NAALADL2: variants seen among roughly 807,000 people sequenced by gnomAD.
NAALADL2 encodes the protein inactive N-acetylated-alpha-linked acidic dipeptidase-like protein 2.
Under a neutral mutation model 87.2 loss-of-function variants are expected in NAALADL2, and 76 were observed. The observed-to-expected ratio is 0.87, with a 90% CI of 0.72 to 1.05. NAALADL2 has a LOEUF of 1.05. NAALADL2 is among the 50% of genes least tolerant of loss of function. The probability of loss-of-function intolerance (pLI) is 0.00; values close to 1 mark genes in which losing one functional copy is unlikely to be tolerated. For synonymous variants in NAALADL2, 354 were observed against 331.0 expected (o/e 1.07, Z -0.75); for missense variants, 1,089 against 945.8 (o/e 1.15, Z -1.99).
At chr3:175,601,039 A>T (rs961580152) in intron 10 of NAALADL2, among the ~76,000 whole-genome samples, 9 of 152,190 alleles carry the variant, frequency 5.9e-5, no homozygotes, top group African/African-American at 2.2e-4. Context: ...AATAAGGAAA[A>T]ATCTGTGTTA....
At chr3:175,292,593 T>TAC (rs71164627) in intron 4 of NAALADL2, among the ~76,000 whole-genome samples, 78,696 of 145,186 alleles carry the variant, frequency 0.54, 22,565 homozygotes, top group East Asian at 0.82. Flanking sequence ...TGAGTTGGGA[T>TAC]ACACACACAC....
At chr3:174,489,214 T>C (rs1718037307) in intron 1 of NAALADL2, among the ~76,000 whole-genome samples, 1 of 152,010 alleles carries the variant, frequency 6.6e-6, no homozygotes, top group Non-Finnish European at 1.5e-5. Context: ...TTTTTGACAA[T>C]GGTGCCAAAA....
intron 1 of NAALADL2, among the ~76,000 whole-genome samples, chr3:174,953,331 C>A (rs1421064016): frequency 1.8e-5 from 2 of 114,032 alleles, no homozygotes; most frequent in Non-Finnish European, 3.6e-5. Context: ...CTCCCCTCCC[C>A]TCCCCTCCCC....
At chr3:174,986,572 A>G (rs997823525) in intron 1 of NAALADL2, among the ~76,000 whole-genome samples, 2 of 152,176 alleles carry the variant, frequency 1.3e-5, no homozygotes, top group Non-Finnish European at 2.9e-5. Context: ...ATTAAGTAGT[A>G]GTTATTTGTT....
intron 2 of NAALADL2, among the ~76,000 whole-genome samples, chr3:175,107,552 C>T (rs905643494): frequency 6.6e-6 from 1 of 150,526 alleles, no homozygotes; most frequent in African/African-American, 2.4e-5. Flanking sequence ...ACACACACAT[C>T]CTATACGTTC....
At position 175,749,920 on chromosome 3, in the gene NAALADL2, T is replaced by C. The variant is rs527569065; in HGVS notation, c.1991-5300T>C. Among the ~76,000 whole-genome samples the C allele has an allele frequency of 2.6e-5, 4 of 152,234 alleles. No homozygotes were observed. In the South Asian group the frequency reaches 8.3e-4, roughly 32 times the overall value. On this transcript the variant is annotated intron_variant, in intron 12 of 13. Coordinates refer to ENST00000454872, the MANE Select transcript of NAALADL2 (RefSeq NM_207015.3). ...TTGTGACCTGCTGTTGGAAGGTGTT[T>C]TAGGATCCTGTATCAAGGGTGTTCA...
At chr3:174,746,006 T>C (rs942356240) in intron 3 of NAALADL2, among the ~76,000 whole-genome samples, 1 of 152,288 alleles carries the variant, frequency 6.6e-6, no homozygotes, top group Admixed American at 6.5e-5. Flanking sequence ...AGCATTCCCC[T>C]TGAAAACTGG....
chr3:175,079,036 T>A, intron 1 of NAALADL2, among the ~76,000 whole-genome samples: 1 of 152,230 alleles, frequency 6.6e-6, no homozygotes, highest in Non-Finnish European at 1.5e-5. Context: ...TGCACCATTA[T>A]ACATTCCCAC....
At chr3:175,545,262 G>A (rs992151907) in intron 9 of NAALADL2, among the ~76,000 whole-genome samples, 11 of 152,080 alleles carry the variant, frequency 7.2e-5, no homozygotes, top group African/African-American at 2.2e-4. Flanking sequence ...CAGCCTTAGA[G>A]TAGCCAATCA....
intron 1 of NAALADL2, among the ~76,000 whole-genome samples, chr3:175,070,790 T>A (rs924549925): frequency 2.0e-5 from 3 of 152,126 alleles, no homozygotes; most frequent in Non-Finnish European, 4.4e-5. Flanking sequence ...TACATATTTA[T>A]TAATCCATCA....
At chr3:175,113,757 T>A (rs1485503072) in intron 2 of NAALADL2, among the ~76,000 whole-genome samples, 1 of 151,412 alleles carries the variant, frequency 6.6e-6, no homozygotes, top group Admixed American at 6.6e-5. Context: ...GGATCCCCAA[T>A]TTTTTTTATG....
At chr3:174,994,051 T>G (rs755481704) in intron 1 of NAALADL2, among the ~76,000 whole-genome samples, 2 of 152,188 alleles carry the variant, frequency 1.3e-5, no homozygotes, top group Admixed American at 1.3e-4. Flanking sequence ...CTTAACTTGC[T>G]TGCATCTGCA....
At chr3:175,012,976 TATACACAAAA>T (rs1328068039) in intron 1 of NAALADL2, among the ~76,000 whole-genome samples, 3 of 138,302 alleles carry the variant, frequency 2.2e-5, no homozygotes, top group African/African-American at 8.4e-5. Flanking sequence ...TGTATATATA[TATACACAAAA>T]ATATATATAC....
intron 10 of NAALADL2, among the ~76,000 whole-genome samples, chr3:175,590,799 A>G (rs546704316): frequency 6.6e-6 from 1 of 152,332 alleles, no homozygotes; most frequent in African/African-American, 2.4e-5. Flanking sequence ...GGATACAATG[A>G]AAACAATTGG....
chr3:175,710,316 T>A (rs1740352853), intron 11 of NAALADL2, among the ~76,000 whole-genome samples: 1 of 151,928 alleles, frequency 6.6e-6, no homozygotes, highest in East Asian at 1.9e-4. Context: ...CTCTGAAGAT[T>A]TTTATTGTGA....
Position 175,372,453 on chromosome 3 carries a change from G to T in NAALADL2, c.1090+48128G>T, listed in dbSNP as rs9848348. 6.0e-4 allele frequency among the ~76,000 whole-genome samples: 92 copies of T among 152,260 alleles called. 2 individuals carry two copies. The South Asian group carries it at 0.019, about 31-fold the overall frequency. ...CACAAAATGAGAAATCGAATGAAGC[G>T]TTGGTGTTAATTCAGTGTCTTGAAG... is the stretch of plus-strand genomic sequence containing the variant. On this transcript the variant is annotated intron_variant, in intron 5 of 13. Transcript: ENST00000454872.
intron 1 of NAALADL2, among the ~76,000 whole-genome samples, chr3:174,874,217 T>C (rs575600835): frequency 1.3e-5 from 2 of 152,234 alleles, no homozygotes; most frequent in Admixed American, 6.5e-5. Context: ...CGTGAGTACA[T>C]GTGCACATGT....
chr3:174,747,732 G>A (rs986702002), intron 3 of NAALADL2, among the ~76,000 whole-genome samples: 1 of 151,100 alleles, frequency 6.6e-6, no homozygotes, highest in African/African-American at 2.4e-5. Context: ...TTAGTTCAAC[G>A]ATTGTGGAAG....
chr3:175,519,021 G>T (rs1474252324), intron 9 of NAALADL2, among the ~76,000 whole-genome samples: 1 of 152,196 alleles, frequency 6.6e-6, no homozygotes, highest in Non-Finnish European at 1.5e-5. Flanking sequence ...AAATGGCTGT[G>T]ATCTAATGTT....
Sources: allele counts gnomAD v4.1 joint callset (sites outside exome capture counted in the v4.1 genomes callset), GRCh38; gene constraint gnomAD v4.1.1; transcripts MANE v1.5; gene names NCBI Gene and HGNC (gene_info 2026-07-23, HGNC 2026-07-21).